KIF14: variants seen among roughly 807,000 people sequenced by gnomAD.
KIF14 encodes kinesin family member 14.
KIF14 carries 98 observed loss-of-function variants against 176.2 expected under a neutral mutation model. The observed-to-expected ratio is 0.56, with a 90% CI of 0.47 to 0.66. The LOEUF is 0.66. Among genes scored for constraint, KIF14 ranks in the 30% least tolerant of loss-of-function variants. The pLI, the probability that KIF14 is intolerant of heterozygous loss-of-function variation, is 0.00. For synonymous variants in KIF14, 566 were observed against 632.2 expected (o/e 0.90, Z 1.57); for missense variants, 1,751 against 1,920.4 (o/e 0.91, Z 1.65).
At chr1:200,614,283 C>T (rs531122452) in intron 4 of KIF14, 35 bp downstream of exon 4, 1 of 1,176,810 alleles carries the variant, frequency 8.5e-7, no homozygotes, top group South Asian at 1.3e-5. Flanking sequence ...ATTTTCTACT[C>T]TGAAAAGAAG....
At position 200,580,370 on chromosome 1, in the gene KIF14, CTGATA is replaced by C; in HGVS notation, c.3344_3348del (p.Ile1115ArgfsTer2). On this transcript the variant is annotated frameshift_variant, in exon 21 of 30. Transcript: ENST00000367350. LOFTEE classifies it high-confidence loss of function. ...ATAGAAGTGTCAGAACTACTTTTAT[CTGATA>C]TATCATGTCTGAAAGAAAAATAAAC... 6.6e-7 allele frequency: 1 copy of C among 1,504,728 alleles called. No homozygotes were observed. The highest frequency in any genetic ancestry group is 8.9e-7 in the Non-Finnish European group (1 of 1,121,550). 93.2% of individuals were successfully genotyped at this position (1,504,728 alleles called of 1,614,324 possible).
At chr1:200,570,743 TTTA>T (rs1464199836) in intron 22 of KIF14, among the ~76,000 whole-genome samples, 1 of 152,178 alleles carries the variant, frequency 6.6e-6, no homozygotes, top group Non-Finnish European at 1.5e-5. Flanking sequence ...TTGGGATTTA[TTTA>T]TTTTCTTTCA....
chr1:200,595,557 A>G (rs991223629), intron 14 of KIF14, among the ~76,000 whole-genome samples: 1 of 152,246 alleles, frequency 6.6e-6, no homozygotes, highest in Non-Finnish European at 1.5e-5. Context: ...TATCTTTGCC[A>G]CAGATGTTAA....
At chr1:200,578,869 A>C (rs1263702602) in intron 21 of KIF14, among the ~76,000 whole-genome samples, 1 of 152,130 alleles carries the variant, frequency 6.6e-6, no homozygotes, top group East Asian at 1.9e-4. Context: ...AGGCGGGTGG[A>C]TCACAAGGTC....
rs765679661 is a variant in KIF14 at position 200,569,894 on chromosome 1, T to C, written c.3661+17A>G. The stretch of plus-strand genomic sequence containing the variant: ...AATGCTTTTCTCGCCATAGAGAAAA[T>C]GTGAAGAAAAAAATACCTGATGAAT... On this transcript the variant is annotated intron_variant, in intron 23 of 29. Transcript: ENST00000367350. The C allele has an allele frequency of 1.4e-6, 2 of 1,430,880 alleles. No individual in the cohort carries two copies. The highest frequency in any genetic ancestry group is 3.4e-5 in the Admixed American group (2 of 58,108). 88.6% of individuals were successfully genotyped at this position (1,430,880 alleles called of 1,614,324 possible). A position where few individuals can be genotyped will look rare whatever the true frequency, so the allele number is the denominator to read the frequency against.
intron 16 of KIF14, 127 bp from the exon 17 acceptor site, chr1:200,590,399 T>C: frequency 1.2e-6 from 1 of 836,296 alleles, no homozygotes; most frequent in Non-Finnish European, 1.8e-6. Flanking sequence ...ATTTCTGACA[T>C]TCTATCAACA....
chr1:200,556,858 C>A (rs1338714945), intron 27 of KIF14, among the ~76,000 whole-genome samples: 1 of 152,176 alleles, frequency 6.6e-6, no homozygotes, highest in Non-Finnish European at 1.5e-5. Flanking sequence ...TCTGAATGAG[C>A]CTTTGACAGC....
rs201600249 is a variant in KIF14, at chr1:200,603,949, A to C, written c.1753T>G (p.Phe585Val). 1 of 1,595,854 alleles carries C rather than the reference A, an allele frequency of 6.3e-7. No individual in the cohort carries two copies. Among genetic ancestry groups the C allele is most frequent in the African/African-American group, 1.3e-5 (1 of 74,534 alleles). ...TLVMTQTKTEFVEGEEHDHRI... is the reference protein window; with the variant it reads ...TLVMTQTKTEVVEGEEHDHRI... ...TGATCGTGTTCTTCCCCTTCCACAA[A>C]TTCTGTCTACAGCAAAATGATATTA... is the stretch of plus-strand genomic sequence containing the variant. The change falls in exon 9 of 30, where the codon TTT (phenylalanine) becomes GTT (valine). Residue 585 changes from phenylalanine to valine, a missense_variant. By Grantham distance (50) the Phe-to-Val change is conservative. Transcript: ENST00000367350.
At chr1:200,601,832 C>A (rs1466217333) in intron 11 of KIF14, 64 bp downstream of exon 11, 1 of 1,250,258 alleles carries the variant, frequency 8.0e-7, no homozygotes. Context: ...TATTTTAAGA[C>A]TGCAACTAAT....
At position 200,565,575 on chromosome 1, in the gene KIF14, A is replaced by G; in HGVS notation, c.3756T>C (p.Phe1252=). 1 of 1,612,158 alleles carries G rather than the reference A, an allele frequency of 6.2e-7. No homozygotes were observed. Among genetic ancestry groups the G allele is most frequent in the Non-Finnish European group, 8.5e-7 (1 of 1,179,670 alleles). ...CKELIGSSLD[F]FGQSYDEERT... ...TTTCTTCATCATAACTCTGTCCAAA[A>G]AAATCTAACGAAGAACCAATCAATT... The change falls in exon 24 of 30, where the codon TTT becomes TTC. Residue 1252 remains phenylalanine (F), a synonymous_variant. Coordinates refer to ENST00000367350, the MANE Select transcript of KIF14 (RefSeq NM_014875.3).
At chr1:200,579,531 C>T (rs1571499969) in intron 21 of KIF14, among the ~76,000 whole-genome samples, 1 of 151,794 alleles carries the variant, frequency 6.6e-6, no homozygotes, top group Non-Finnish European at 1.5e-5. Context: ...ATCGCTTGAA[C>T]CCGGGAGGCG....
In KIF14 at chr1:200,617,634, G is replaced by A. The variant is rs766155209; in HGVS notation, c.1090C>T (p.Arg364Cys). Residue 364 changes from arginine to cysteine, a missense_variant, in exon 2 of 30, where the codon CGC (arginine) becomes TGC (cysteine). Arg to Cys is a radical substitution (Grantham distance 180, BLOSUM62 -3). Transcript: ENST00000367350. ...TACCTCTTGGTGAAAGGTCTTACGC[G>A]TACTGCCACTGTCACTTGACTATTC... Reference protein sequence around the residue: ...VENSQVTVAVRVRPFTKREKI... With the variant: ...VENSQVTVAVCVRPFTKREKI... 2.5e-6 allele frequency: 4 copies of A among 1,611,496 alleles called. No individual in the cohort carries two copies. Among genetic ancestry groups the A allele is most frequent in the Non-Finnish European group, 3.4e-6 (4 of 1,178,280 alleles).
intron 26 of KIF14, among the ~76,000 whole-genome samples, chr1:200,559,918 C>A (rs1657040209): frequency 6.6e-6 from 1 of 152,110 alleles, no homozygotes; most frequent in African/African-American, 2.4e-5. Context: ...CCACACTCAG[C>A]TAATTTTTAT....
At chr1:200,604,161 C>T (rs41299603) in intron 8 of KIF14, among the ~76,000 whole-genome samples, 15 of 152,062 alleles carry the variant, frequency 9.9e-5, no homozygotes, top group South Asian at 4.1e-4. Context: ...TGATCTCCTG[C>T]GTTCAAGCAA....
At chr1:200,597,669 C>A (rs1336939935) in intron 14 of KIF14, among the ~76,000 whole-genome samples, 1 of 152,148 alleles carries the variant, frequency 6.6e-6, no homozygotes, top group Non-Finnish European at 1.5e-5. Context: ...ACATATTCTA[C>A]AACCTAGTAT....
At chr1:200,591,896 A>G (rs1659072774) in intron 16 of KIF14, among the ~76,000 whole-genome samples, 184 bp downstream of exon 16, 1 of 152,224 alleles carries the variant, frequency 6.6e-6, no homozygotes, top group Non-Finnish European at 1.5e-5. Context: ...CATTTGGTAC[A>G]GTGACAGACA....
At chr1:200,561,493 C>T (rs902207851) in intron 25 of KIF14, among the ~76,000 whole-genome samples, 2 of 150,978 alleles carry the variant, frequency 1.3e-5, no homozygotes, top group East Asian at 1.9e-4. Flanking sequence ...GAGCCGAGAT[C>T]GCACCACTGC....
chr1:200,572,324 A>G (rs1404363517), intron 22 of KIF14, among the ~76,000 whole-genome samples: 4 of 152,186 alleles, frequency 2.6e-5, no homozygotes, highest in Admixed American at 6.5e-5. Context: ...TAAGATGTAA[A>G]TTACCAACAT....
chr1:200,557,919 C>A (rs1656922146), intron 27 of KIF14, among the ~76,000 whole-genome samples: 1 of 152,148 alleles, frequency 6.6e-6, no homozygotes, highest in Non-Finnish European at 1.5e-5. Flanking sequence ...GCCCCAGCCA[C>A]CTGACTCCAA....
Sources: allele counts gnomAD v4.1 joint callset (sites outside exome capture counted in the v4.1 genomes callset), GRCh38; gene constraint gnomAD v4.1.1; transcripts MANE v1.5; gene names NCBI Gene and HGNC (gene_info 2026-07-23, HGNC 2026-07-21).